TTC28: variants seen among roughly 807,000 people sequenced by gnomAD.
TTC28 encodes tetratricopeptide repeat protein 28.
TTC28 carries 61 observed loss-of-function variants against 198.0 expected under a neutral mutation model. That is an observed-to-expected ratio of 0.31 (90% confidence interval 0.25 to 0.38). TTC28 has a LOEUF of 0.38. Among genes scored for constraint, TTC28 ranks in the 10% least tolerant of loss-of-function variants. TTC28 has a pLI of 1.00. For missense variants in TTC28, 2,678 were observed against 3,164.0 expected, an observed-to-expected ratio of 0.85 and a Z score of 3.69; for synonymous variants, 1,171 against 1,297.8, an observed-to-expected ratio of 0.90 and a Z score of 2.10.
chr22:28,510,050 C>CA (rs935240882), intron 2 of TTC28, among the ~76,000 whole-genome samples: 5 of 151,788 alleles, frequency 3.3e-5, no homozygotes, highest in Non-Finnish European at 7.4e-5. Flanking sequence ...GCCTACCAAC[C>CA]AAAAAAAGCC....
intron 5 of TTC28, among the ~76,000 whole-genome samples, chr22:28,165,615 G>C (rs1396534730): frequency 6.6e-6 from 1 of 152,158 alleles, no homozygotes; most frequent in African/African-American, 2.4e-5. Flanking sequence ...ATCCTTTACA[G>C]ACAAGTAAAT....
rs370594276 is a variant in TTC28, at chr22:28,456,775, G to A, written c.382-150132C>T. Among the ~76,000 whole-genome samples the A allele has an allele frequency of 2.6e-4, 40 of 152,118 alleles. 1 individual carries two copies. In the East Asian group the frequency reaches 3.5e-3, roughly 13 times the overall value. The stretch of plus-strand genomic sequence containing the variant: ...ATTTTTAGTAGAGACGGGGTTTCAC[G>A]ATGTTGGCCAGGATGGTCTCAATCT... On this transcript the variant is annotated intron_variant, in intron 2 of 22. Transcript: ENST00000397906.
intron 1 of TTC28, among the ~76,000 whole-genome samples, chr22:28,640,312 AGG>A (rs370134470): frequency 0.14 from 14,424 of 105,554 alleles, 1,180 homozygotes; most frequent in African/African-American, 0.22. Flanking sequence ...AAAAAAGTAA[AGG>A]GGGGGGGGGG....
intron 2 of TTC28, among the ~76,000 whole-genome samples, chr22:28,482,636 G>A (rs917200965): frequency 6.6e-6 from 1 of 152,128 alleles, no homozygotes; most frequent in Non-Finnish European, 1.5e-5. Context: ...TTAGTACACT[G>A]TGCAATGCTG....
chr22:28,550,163 A>G (rs1036095796), intron 2 of TTC28, among the ~76,000 whole-genome samples: 1 of 152,178 alleles, frequency 6.6e-6, no homozygotes, highest in African/African-American at 2.4e-5. Context: ...TGAAAAAAAG[A>G]GGTAAATGGT....
Position 28,435,593 on chromosome 22 carries a change from G to A in TTC28, c.382-128950C>T, listed in dbSNP as rs1049741770. On this transcript the variant is annotated intron_variant, in intron 2 of 22. Coordinates refer to ENST00000397906, the MANE Select transcript of TTC28 (RefSeq NM_001145418.2). ...AGCATGTCATCACTGTGACTGACTA[G>A]CAAAATGAAGGTGGCTGCTGGCGCC... Among the ~76,000 whole-genome samples the A allele has an allele frequency of 4.1e-4, 62 of 152,326 alleles. 1 individual carries two copies. The highest frequency in any genetic ancestry group is 4.3e-4 in the Non-Finnish European group (29 of 68,026).
chr22:28,430,385 A>G (rs953576207), intron 2 of TTC28, among the ~76,000 whole-genome samples: 1 of 152,186 alleles, frequency 6.6e-6, no homozygotes, highest in African/African-American at 2.4e-5. Context: ...GAATTGTGCT[A>G]CAGATCTCAA....
At chr22:28,411,170 C>T (rs896952725) in intron 2 of TTC28, among the ~76,000 whole-genome samples, 5 of 152,126 alleles carry the variant, frequency 3.3e-5, no homozygotes, top group Admixed American at 6.5e-5. Context: ...TACCCCAGAA[C>T]GAATTCTTCT....
intron 2 of TTC28, among the ~76,000 whole-genome samples, chr22:28,328,628 C>A (rs934351220): frequency 6.6e-6 from 1 of 151,348 alleles, no homozygotes; most frequent in Non-Finnish European, 1.5e-5. Flanking sequence ...GTAGCAGGCA[C>A]CTGTAATCCC....
chr22:28,240,368 T>C (rs970482327), intron 5 of TTC28, among the ~76,000 whole-genome samples: 3 of 152,134 alleles, frequency 2.0e-5, no homozygotes, highest in African/African-American at 4.8e-5. Flanking sequence ...TGGTATTAAA[T>C]TGGAATTGGG....
In TTC28 at chr22:28,105,394, C is replaced by T. The variant is rs1320915747; in HGVS notation, c.3192G>A (p.Leu1064=). The change falls in exon 8 of 23, where the codon TTG becomes TTA. Residue 1064 remains leucine, a synonymous_variant. Coordinates refer to ENST00000397906, the MANE Select transcript of TTC28 (RefSeq NM_001145418.2). ...ERAVVYQEQH[L]SIAAQMNDLA... ...AGTCATTCATCTGTGCAGCAATGCT[C>T]AAGTGCTGTTCTTGATAGACCACAG... 1.3e-5 allele frequency: 20 copies of T among 1,551,744 alleles called. No individual in the cohort carries two copies. Among genetic ancestry groups the T allele is most frequent in the Middle Eastern group, 1.7e-4 (1 of 5,992 alleles).
At chr22:28,452,036 T>C (rs2047785706) in intron 2 of TTC28, among the ~76,000 whole-genome samples, 7 of 152,070 alleles carry the variant, frequency 4.6e-5, no homozygotes, top group South Asian at 2.1e-4. Flanking sequence ...GTTTTAAATA[T>C]GTACATTTCA....
chr22:28,018,306 CGG>C (rs138682), intron 13 of TTC28, among the ~76,000 whole-genome samples: 2,832 of 49,250 alleles, frequency 0.058, 166 homozygotes, highest in Middle Eastern at 0.1. Context: ...TGTGCGCGCG[CGG>C]GGGGGGGGGC....
chr22:28,014,138 C>T (rs553473335), intron 14 of TTC28, 110 bp downstream of exon 14: 60 of 1,335,864 alleles, frequency 4.5e-5, no homozygotes, highest in Non-Finnish European at 5.6e-5. Context: ...GGAAAGCCTC[C>T]GGTTGTCTCG....
At chr22:28,482,939 T>C (rs540073433) in intron 2 of TTC28, among the ~76,000 whole-genome samples, 1 of 152,342 alleles carries the variant, frequency 6.6e-6, no homozygotes, top group East Asian at 1.9e-4. Flanking sequence ...TTTTTCATTA[T>C]AGGTATATAC....
chr22:28,379,309 AGACAT>A (rs1463762959), intron 2 of TTC28, among the ~76,000 whole-genome samples: 1 of 152,228 alleles, frequency 6.6e-6, no homozygotes, highest in Non-Finnish European at 1.5e-5. Context: ...GCAGGGACTC[AGACAT>A]ATATTTGAAT....
At chr22:28,385,668 A>G (rs918099938) in intron 2 of TTC28, among the ~76,000 whole-genome samples, 4 of 152,094 alleles carry the variant, frequency 2.6e-5, no homozygotes, top group Non-Finnish European at 5.9e-5. Context: ...GCCTCTGATC[A>G]GGTTATTTCA....
chr22:28,473,550 T>G (rs989292306), intron 2 of TTC28, among the ~76,000 whole-genome samples: 2 of 152,172 alleles, frequency 1.3e-5, no homozygotes, highest in Non-Finnish European at 2.9e-5. Context: ...AACCCACCCC[T>G]TGATTTGCAT....
At chr22:28,136,686 T>C (rs1943206896) in intron 6 of TTC28, among the ~76,000 whole-genome samples, 1 of 152,214 alleles carries the variant, frequency 6.6e-6, no homozygotes, top group Non-Finnish European at 1.5e-5. Flanking sequence ...GGAGAGGTTA[T>C]GGTGTCACAA....
Sources: gnomAD v4.1 joint callset for allele counts (sites outside exome capture counted in the v4.1 genomes callset) on GRCh38, gnomAD v4.1.1 for gene constraint, MANE v1.5 for transcripts, NCBI Gene and HGNC (gene_info 2026-07-23, HGNC 2026-07-21) for gene names.